ADAM18: variants seen among roughly 807,000 people sequenced by gnomAD.
ADAM18 encodes the protein disintegrin and metalloproteinase domain-containing protein 18.
Under a neutral mutation model 94.4 loss-of-function variants are expected in ADAM18, and 117 were observed. That is an observed-to-expected ratio of 1.24 (90% confidence interval 1.07 to 1.45). ADAM18 has a LOEUF of 1.45. Among genes scored for constraint, ADAM18 ranks in the 40% most tolerant of loss-of-function variants. The probability of loss-of-function intolerance (pLI) is 0.00; values close to 1 mark genes in which losing one functional copy is unlikely to be tolerated. For missense variants in ADAM18, 936 were observed against 880.0 expected (o/e 1.06, Z -0.81); for synonymous variants, 327 against 291.6 (o/e 1.12, Z -1.24).
At chr8:39,729,503 T>G (rs1031591738) in intron 19 of ADAM18, among the ~76,000 whole-genome samples, 1 of 152,184 alleles carries the variant, frequency 6.6e-6, no homozygotes, top group Non-Finnish European at 1.5e-5. Context: ...CCTTTTATTT[T>G]GTCTCCCTAA....
chr8:39,640,643 G>A (rs1320973931), intron 10 of ADAM18, among the ~76,000 whole-genome samples: 1 of 152,020 alleles, frequency 6.6e-6, no homozygotes, highest in African/African-American at 2.4e-5. Context: ...ACACTCCCAT[G>A]AACAGTGTAA....
chr8:39,661,878 C>T (rs915760650), intron 12 of ADAM18, among the ~76,000 whole-genome samples: 3 of 151,060 alleles, frequency 2.0e-5, no homozygotes, highest in Admixed American at 6.6e-5. Context: ...AATGCCCTTT[C>T]GACAAAGACT....
intron 16 of ADAM18, among the ~76,000 whole-genome samples, chr8:39,685,680 T>C (rs780314657): frequency 6.6e-6 from 1 of 152,188 alleles, no homozygotes; most frequent in Non-Finnish European, 1.5e-5. Flanking sequence ...GCTAAGAATT[T>C]TCCAAATTTT....
chr8:39,627,373 G>T (rs1785304154), intron 6 of ADAM18, among the ~76,000 whole-genome samples: 1 of 152,188 alleles, frequency 6.6e-6, no homozygotes, highest in Admixed American at 6.5e-5. Flanking sequence ...CAGTATGGGG[G>T]AAACTGCCCC....
At chr8:39,609,163 T>A in intron 4 of ADAM18, 43 bp downstream of exon 4, 1 of 1,235,052 alleles carries the variant, frequency 8.1e-7, no homozygotes, top group Non-Finnish European at 1.2e-6. Context: ...GTGGTTATAT[T>A]ATTACCATTA....
chr8:39,682,381 A>G (rs931832704), intron 16 of ADAM18, among the ~76,000 whole-genome samples: 1 of 152,222 alleles, frequency 6.6e-6, no homozygotes, highest in Non-Finnish European at 1.5e-5. Context: ...AGAATACAAA[A>G]TGAAAGGAGG....
chr8:39,603,107 A>G (rs990020321), intron 2 of ADAM18, among the ~76,000 whole-genome samples: 7 of 152,146 alleles, frequency 4.6e-5, no homozygotes, highest in Non-Finnish European at 1.0e-4. Context: ...CAATTGTTCT[A>G]TCACCGTCAA....
At chr8:39,620,398 C>T (rs531458372) in intron 6 of ADAM18, among the ~76,000 whole-genome samples, 1 of 110,166 alleles carries the variant, frequency 9.1e-6, no homozygotes, top group South Asian at 2.9e-4. Flanking sequence ...CAAAACAAAA[C>T]AAAGAAAAAA....
At chr8:39,703,429 G>T (rs1822143908) in intron 17 of ADAM18, among the ~76,000 whole-genome samples, 1 of 151,984 alleles carries the variant, frequency 6.6e-6, no homozygotes, top group Non-Finnish European at 1.5e-5. Context: ...CATCCACAAA[G>T]CGGAATAATT....
intron 7 of ADAM18, 91 bp from the exon 8 acceptor site, chr8:39,637,173 T>A: frequency 1.0e-6 from 1 of 971,036 alleles, no homozygotes; most frequent in East Asian, 2.6e-5. Context: ...AGCTCTAGAT[T>A]ACTTATAATA....
intron 18 of ADAM18, among the ~76,000 whole-genome samples, chr8:39,721,971 G>T (rs1822762597): frequency 6.6e-6 from 1 of 150,764 alleles, no homozygotes; most frequent in Admixed American, 6.6e-5. Flanking sequence ...CAATAACAAA[G>T]TTATGGAATC....
chr8:39,608,938 A>G (rs900548698), intron 3 of ADAM18, 104 bp from the exon 4 acceptor site: 7 of 701,342 alleles, frequency 1.0e-5, no homozygotes, highest in Non-Finnish European at 1.7e-5. Context: ...ATGCCATTAT[A>G]TAAAGCTAAT....
chr8:39,629,578 C>T (rs1351305512), intron 7 of ADAM18, 139 bp downstream of exon 7: 2 of 555,430 alleles, frequency 3.6e-6, no homozygotes, highest in Non-Finnish European at 6.1e-6. Context: ...TTATTTTCTC[C>T]CTCTCCTCTC....
At chr8:39,689,760 G>A (rs1821716865) in intron 16 of ADAM18, among the ~76,000 whole-genome samples, 1 of 152,072 alleles carries the variant, frequency 6.6e-6, no homozygotes, top group African/African-American at 2.4e-5. Flanking sequence ...TAATGAGAGT[G>A]ACATTGAACC....
rs573024967 is a variant in ADAM18, at chr8:39,682,851, T to C, written c.1821+2625T>C. 2.0e-4 allele frequency among the ~76,000 whole-genome samples: 30 copies of C among 152,226 alleles called. No individual in the cohort carries two copies. The South Asian group carries it at 5.8e-3, about 29-fold the overall frequency. ...GCTTTGAACTGATGCTATAATGAAA[T>C]GAGAATGTTGGAGAGCTTGACAATT... On this transcript the variant is annotated intron_variant, in intron 16 of 19. Coordinates refer to ENST00000265707, the MANE Select transcript of ADAM18 (RefSeq NM_014237.3).
intron 2 of ADAM18, among the ~76,000 whole-genome samples, chr8:39,593,126 C>A (rs1468207114): frequency 6.6e-6 from 1 of 152,158 alleles, no homozygotes; most frequent in Non-Finnish European, 1.5e-5. Context: ...TTTTCATTTT[C>A]AGTCTTCATA....
chr8:39,662,219 T>C (rs2129580029), intron 12 of ADAM18, among the ~76,000 whole-genome samples: 1 of 152,172 alleles, frequency 6.6e-6, no homozygotes, highest in East Asian at 1.9e-4. Flanking sequence ...AGGGAGAGCG[T>C]CTTCATTAAT....
At chr8:39,724,067 T>C (rs1822835220) in intron 19 of ADAM18, 160 bp downstream of exon 19, 1 of 571,814 alleles carries the variant, frequency 1.7e-6, no homozygotes, top group Non-Finnish European at 2.6e-6. Context: ...TAATTTGTTA[T>C]TATATTGGGG....
chr8:39,670,113 C>T (rs1821113308), intron 14 of ADAM18, among the ~76,000 whole-genome samples: 1 of 151,476 alleles, frequency 6.6e-6, no homozygotes, highest in Admixed American at 6.6e-5. Flanking sequence ...TAAATGTCTT[C>T]TTTTGAGAAA....
Sources: gnomAD v4.1 joint callset for allele counts (sites outside exome capture counted in the v4.1 genomes callset) on GRCh38, gnomAD v4.1.1 for gene constraint, MANE v1.5 for transcripts, NCBI Gene and HGNC (gene_info 2026-07-23, HGNC 2026-07-21) for gene names.